BCAS3: variants seen among roughly 807,000 people sequenced by gnomAD.
BCAS3 encodes the protein BCAS3 microtubule associated cell migration factor, also known as BCAS4/BCAS3 fusion.
A neutral mutation model predicts 116.1 loss-of-function variants in BCAS3; 53 were observed. That is an observed-to-expected ratio of 0.46 (90% CI 0.37 to 0.57). The LOEUF (loss-of-function observed/expected upper bound fraction) is 0.57. Among genes scored for constraint, BCAS3 ranks in the 20% least tolerant of loss-of-function variants. The probability of loss-of-function intolerance (pLI) is 0.00; values close to 1 mark genes in which losing one functional copy is unlikely to be tolerated. For synonymous variants in BCAS3, 391 were observed against 408.2 expected (o/e 0.96, Z 0.51); for missense variants, 917 against 1,165.4 (o/e 0.79, Z 3.10).
chr17:61,061,269 G>A (rs2070000620), intron 19 of BCAS3, among the ~76,000 whole-genome samples: 1 of 152,146 alleles, frequency 6.6e-6, no homozygotes, highest in Non-Finnish European at 1.5e-5. Context: ...GCTGCATAAT[G>A]ATGTGGATTT....
chr17:60,874,715 T>C lies in BCAS3; in HGVS notation c.638T>C (p.Phe213Ser). Residue 213 changes from phenylalanine (F) to serine (S), a missense_variant, in exon 9 of 24, where the codon TTC becomes TCC. Coordinates refer to ENST00000407086, the MANE Select transcript of BCAS3 (RefSeq NM_017679.5). ...EKIAAFDSCT[F>S]TKKFFVTSCY... ...ATTGCTGCCTTTGATAGCTGTACTT[T>C]CACGAAGAAATTCTTTGTTACAAGT... The C allele has an allele frequency of 1.2e-6, 2 of 1,611,786 alleles. No homozygotes were observed. The highest frequency in any genetic ancestry group is 1.7e-6 in the Non-Finnish European group (2 of 1,178,728).
At chr17:61,232,119 G>A (rs1169236081) in intron 22 of BCAS3, among the ~76,000 whole-genome samples, 1 of 149,444 alleles carries the variant, frequency 6.7e-6, no homozygotes, top group African/African-American at 2.5e-5. Context: ...GCAGGAGAAT[G>A]GCGTGAACCC....
chr17:61,273,788 G>T, intron 22 of BCAS3, among the ~76,000 whole-genome samples: 1 of 146,028 alleles, frequency 6.8e-6, no homozygotes, highest in African/African-American at 2.5e-5. Context: ...AGTTTCTATT[G>T]CTGTATCTTC....
At chr17:60,728,222 A>G (rs1279688548) in intron 5 of BCAS3, among the ~76,000 whole-genome samples, 2 of 151,984 alleles carry the variant, frequency 1.3e-5, no homozygotes, top group Non-Finnish European at 2.9e-5. Flanking sequence ...TCTGTTCTCT[A>G]TCTATTCATC....
At chr17:60,947,826 G>A (rs564984852) in intron 14 of BCAS3, among the ~76,000 whole-genome samples, 14 of 152,226 alleles carry the variant, frequency 9.2e-5, no homozygotes, top group East Asian at 5.8e-4. Flanking sequence ...AACCAGTTGC[G>A]CACATCCCTC....
At chr17:60,716,298 C>T (rs1305874531) in intron 5 of BCAS3, among the ~76,000 whole-genome samples, 1 of 152,054 alleles carries the variant, frequency 6.6e-6, no homozygotes, top group Admixed American at 6.6e-5. Flanking sequence ...AATGGATATA[C>T]AACTTAAGTT....
chr17:61,115,783 CATGCACACGT>C (rs1385852677), intron 22 of BCAS3, among the ~76,000 whole-genome samples: 30 of 149,714 alleles, frequency 2.0e-4, no homozygotes, highest in Middle Eastern at 6.9e-3. Flanking sequence ...TATAAAGACA[CATGCACACGT>C]ATGTTTATTG....
At position 61,181,169 on chromosome 17, in the gene BCAS3, G is replaced by A. The variant is rs970114396; in HGVS notation, c.2425+96605G>A. 6.6e-6 allele frequency among the ~76,000 whole-genome samples: 1 copy of A among 152,178 alleles called. No individual in the cohort carries two copies. The highest frequency in any genetic ancestry group is 1.5e-5 in the Non-Finnish European group (1 of 68,012). ...TAGGAACTCGAGGCTGCATTGAGCT[G>A]TAATAGCACCACTGCACTCCATCCT... is the stretch of plus-strand genomic sequence containing the variant. On this transcript the variant is annotated intron_variant, in intron 22 of 23. Coordinates refer to ENST00000407086, the MANE Select transcript of BCAS3 (RefSeq NM_017679.5). This position sits in a 1 kb window ranked among gnomAD's most constrained non-coding sequence, Gnocchi z 5.0.
intron 23 of BCAS3, among the ~76,000 whole-genome samples, chr17:61,373,191 G>A (rs966024628): frequency 6.6e-6 from 1 of 150,948 alleles, no homozygotes; most frequent in Non-Finnish European, 1.5e-5. Context: ...CTGGGTTCAA[G>A]CAATTCTCCT....
intron 14 of BCAS3, among the ~76,000 whole-genome samples, chr17:60,970,585 A>G (rs901390026): frequency 1.3e-5 from 2 of 152,214 alleles, no homozygotes; most frequent in Non-Finnish European, 2.9e-5. Context: ...AAAGCCTATT[A>G]CCAGAGATAT....
intron 5 of BCAS3, among the ~76,000 whole-genome samples, chr17:60,725,070 G>A (rs2039682562): frequency 6.6e-6 from 1 of 152,092 alleles, no homozygotes; most frequent in Non-Finnish European, 1.5e-5. Flanking sequence ...TACGCAGGCT[G>A]GCCTTGAACT....
At position 61,032,515 on chromosome 17, in the gene BCAS3, G is replaced by A. The variant is rs1302784301; in HGVS notation, c.1638-2151G>A. On this transcript the variant is annotated intron_variant, in intron 16 of 23. Transcript: ENST00000407086. The surrounding 1 kb of genome is among the most constrained non-coding windows in gnomAD (Gnocchi z 4.6). ...GTTCAATGATAGCAGTTTAGTGATG[G>A]AAATAAAAGCTTTGAAAGAAGCCTT... Among the ~76,000 whole-genome samples, 1 of 152,140 alleles carries A rather than the reference G, an allele frequency of 6.6e-6. No homozygotes were observed. Among genetic ancestry groups the A allele is most frequent in the Admixed American group, 6.6e-5 (1 of 15,262 alleles).
At chr17:61,116,315 GTGGCCAATATA>G (rs2075448533) in intron 22 of BCAS3, among the ~76,000 whole-genome samples, 1 of 151,868 alleles carries the variant, frequency 6.6e-6, no homozygotes. Context: ...ATCTTTATTA[GTGGCCAATATA>G]TGTATATTGC....
At chr17:61,166,594 C>A (rs1321980733) in intron 22 of BCAS3, among the ~76,000 whole-genome samples, 2 of 152,054 alleles carry the variant, frequency 1.3e-5, no homozygotes, top group Non-Finnish European at 1.5e-5. Context: ...CACGGGGTTT[C>A]ACCATGCTGG....
intron 22 of BCAS3, among the ~76,000 whole-genome samples, chr17:61,179,670 CT>C (rs2079361116): frequency 6.6e-6 from 1 of 152,186 alleles, no homozygotes; most frequent in East Asian, 1.9e-4. Context: ...ACTGCAGGGG[CT>C]TTATGGTGGT....
At chr17:60,970,984 G>T (rs2061926819) in intron 14 of BCAS3, among the ~76,000 whole-genome samples, 1 of 152,200 alleles carries the variant, frequency 6.6e-6, no homozygotes, top group South Asian at 2.1e-4. Context: ...GATAATAGAT[G>T]ATACTTAAGT....
intron 6 of BCAS3, among the ~76,000 whole-genome samples, chr17:60,774,378 A>G (rs2045065180): frequency 6.6e-6 from 1 of 152,220 alleles, no homozygotes; most frequent in Non-Finnish European, 1.5e-5. Context: ...TCCTTGAATA[A>G]ATGGAATATG....
chr17:61,020,546 A>C lies in BCAS3; in HGVS notation c.1637+4645A>C, dbSNP rs2065804500. Among the ~76,000 whole-genome samples, 1 of 152,232 alleles carries C rather than the reference A, an allele frequency of 6.6e-6. No homozygotes were observed. The highest frequency in any genetic ancestry group is 2.1e-4 in the South Asian group (1 of 4,836). On this transcript the variant is annotated intron_variant, in intron 16 of 23. Transcript: ENST00000407086. This position sits in a 1 kb window ranked among gnomAD's most constrained non-coding sequence, Gnocchi z 4.5. ...TCTTTCAGTTTAAGACTGGAGGTTT[A>C]AAAAGTCCAGGTTATCATGTTCTTA... is the stretch of plus-strand genomic sequence containing the variant.
intron 5 of BCAS3, chr17:60,720,263 G>T (rs1044999533): frequency 1.3e-5 from 2 of 152,200 alleles, no homozygotes; most frequent in Non-Finnish European, 2.9e-5. Flanking sequence ...GAGTAGCTGG[G>T]ACCACAGGTG....
Sources: allele counts gnomAD v4.1 joint callset (sites outside exome capture counted in the v4.1 genomes callset), GRCh38; gene constraint gnomAD v4.1.1; non-coding constraint Gnocchi (gnomAD v3.1); transcripts MANE v1.5; gene names NCBI Gene and HGNC (gene_info 2026-07-23, HGNC 2026-07-21).